Variants in DRC9 observed in about 807,000 individuals in gnomAD.
DRC9 encodes dynein regulatory complex subunit 9.
chr3:197,936,798 G>A, the DRC9 span, among the ~76,000 whole-genome samples: 3 of 152,230 alleles, frequency 2.0e-5, no homozygotes, highest in East Asian at 1.9e-4. Flanking sequence ...AAATAATTGC[G>A]ACTGGTATTT....
the DRC9 span, among the ~76,000 whole-genome samples, chr3:197,955,454 G>C: frequency 6.6e-6 from 1 of 152,002 alleles, no homozygotes; most frequent in Non-Finnish European, 1.5e-5. Context: ...AGTAGAGACA[G>C]GGTTTTACCA....
At chr3:197,932,652 A>C in the DRC9 span, among the ~76,000 whole-genome samples, 2 of 148,782 alleles carry the variant, frequency 1.3e-5, no homozygotes, top group African/African-American at 4.9e-5. Flanking sequence ...TAAATAAATA[A>C]ATAAATAAAT....
the DRC9 span, chr3:197,957,497 G>C: frequency 7.0e-6 from 1 of 142,926 alleles, no homozygotes; most frequent in African/African-American, 2.7e-5. Context: ...TTGCTCTGTC[G>C]TCTAGGCTGG....
At chr3:197,905,944 G>A in the DRC9 span, among the ~76,000 whole-genome samples, 1 of 150,310 alleles carries the variant, frequency 6.7e-6, no homozygotes, top group South Asian at 2.1e-4. Flanking sequence ...CTTTTAACAA[G>A]AAAAAAAGAT....
At chr3:197,892,744 G>A in the DRC9 span, 6 of 1,613,962 alleles carry the variant, frequency 3.7e-6, no homozygotes, top group African/African-American at 1.3e-5. Context: ...CAGAACTCCA[G>A]CCTCTCCTCA....
the DRC9 span, chr3:197,913,673 G>A: frequency 1.6e-6 from 1 of 635,294 alleles, no homozygotes; most frequent in South Asian, 1.9e-5. Context: ...TTATGAGGCG[G>A]GAGATGGAGG....
chr3:197,898,961 G>T, the DRC9 span, among the ~76,000 whole-genome samples: 3 of 152,004 alleles, frequency 2.0e-5, no homozygotes, highest in East Asian at 1.9e-4. Flanking sequence ...TAATGAAAAT[G>T]ATTTCATTAC....
the DRC9 span, among the ~76,000 whole-genome samples, chr3:197,942,683 C>T: frequency 1.3e-5 from 2 of 151,716 alleles, no homozygotes; most frequent in Admixed American, 1.3e-4. Flanking sequence ...TTTGGGAGGC[C>T]GAGGTGGGCA....
the DRC9 span, chr3:197,949,877 C>A: frequency 5.1e-6 from 2 of 393,870 alleles, no homozygotes; most frequent in Non-Finnish European, 8.9e-6. Flanking sequence ...ATCCTCCACT[C>A]AGGGTTCGCC....
chr3:197,931,572 A>G, the DRC9 span, among the ~76,000 whole-genome samples: 6 of 152,054 alleles, frequency 3.9e-5, no homozygotes, highest in Middle Eastern at 3.2e-3. Context: ...TTTCCTTGGC[A>G]TTCATTTGTT....
At chr3:197,943,658 A>G in the DRC9 span, 1 of 953,418 alleles carries the variant, frequency 1.0e-6, no homozygotes, top group Non-Finnish European at 1.6e-6. Flanking sequence ...GAAAAGAAAC[A>G]AAGAAGGAAA....
chr3:197,955,246 G>A, the DRC9 span, among the ~76,000 whole-genome samples: 112 of 151,858 alleles, frequency 7.4e-4, no homozygotes, highest in African/African-American at 2.5e-3. Flanking sequence ...AAAATTAAAT[G>A]TACCTTCAGT....
chr3:197,934,765 C>T, the DRC9 span, among the ~76,000 whole-genome samples: 1 of 150,334 alleles, frequency 6.7e-6, no homozygotes, highest in African/African-American at 2.5e-5. Context: ...TCCAGGATTT[C>T]AAGACCAGTC....
At chr3:197,953,763 AACTT>A in the DRC9 span, 2 of 584,344 alleles carry the variant, frequency 3.4e-6, no homozygotes, top group South Asian at 2.0e-5. Flanking sequence ...ATTTTCCTTA[AACTT>A]ACTTGGTTAT....
chr3:197,919,258 G>A, the DRC9 span, among the ~76,000 whole-genome samples: 32 of 152,178 alleles, frequency 2.1e-4, no homozygotes, highest in Non-Finnish European at 4.3e-4. Context: ...CACGGTGACC[G>A]TGTGGAAACA....
At chr3:197,933,952 A>C in the DRC9 span, among the ~76,000 whole-genome samples, 3 of 149,106 alleles carry the variant, frequency 2.0e-5, no homozygotes, top group Admixed American at 2.0e-4. Flanking sequence ...CTGGGAGTAC[A>C]GGCATGGGCC....
the DRC9 span, among the ~76,000 whole-genome samples, chr3:197,920,166 G>A: frequency 2.0e-5 from 3 of 151,988 alleles, no homozygotes; most frequent in African/African-American, 4.8e-5. Flanking sequence ...CTGAGATCGC[G>A]GCACTGCACT....
At chr3:197,903,307 G>A in the DRC9 span, among the ~76,000 whole-genome samples, 3 of 152,126 alleles carry the variant, frequency 2.0e-5, no homozygotes, top group Non-Finnish European at 2.9e-5. Context: ...CCACAAGCAC[G>A]AGCAACCAAA....
At chr3:197,938,609 T>A in the DRC9 span, 1 of 1,614,232 alleles carries the variant, frequency 6.2e-7, no homozygotes, top group East Asian at 2.2e-5. Context: ...GTAGGTTTTT[T>A]GAAGACAAGA....
Sources: gnomAD v4.1 joint callset for allele counts (sites outside exome capture counted in the v4.1 genomes callset) on GRCh38, gnomAD v4.1.1 for gene constraint, MANE v1.5 for transcripts, NCBI Gene and HGNC (gene_info 2026-07-23, HGNC 2026-07-21) for gene names.